Variants in LRCH2 observed in about 807,000 individuals in gnomAD.
LRCH2 encodes the protein leucine-rich repeat and calponin homology domain-containing protein 2.
LRCH2 carries 38 observed loss-of-function variants against 68.9 expected under a neutral mutation model. The observed-to-expected ratio is 0.55, with a 90% confidence interval of 0.43 to 0.72. LRCH2 has a LOEUF of 0.72. Among genes scored for constraint, LRCH2 ranks in the 30% least tolerant of loss-of-function variants. LRCH2 has a pLI of 0.00. For synonymous variants in LRCH2, 191 were observed against 208.1 expected (o/e 0.92, Z 0.71); for missense variants, 528 against 572.9 (o/e 0.92, Z 0.80).
rs1556579496 is a variant in LRCH2 at position 115,234,018 on chromosome X, G to A, written c.24C>T (p.Gly8=). The A allele has an allele frequency of 3.4e-6, 4 of 1,160,989 alleles. No homozygotes were observed. The change falls in exon 1 of 21, where the codon GGC becomes GGT. Residue 8 remains glycine (G), a synonymous_variant. Coordinates refer to ENST00000317135, the MANE Select transcript of LRCH2 (RefSeq NM_020871.4). ...CACAACCGCCGCCCCCACTGTTACC[G>A]CCTCCTCCCTGACTCGCCGCCATGT... The part of the protein sequence containing the change: MAASQGG[G]GNSGGGGCGG...
chrX:115,144,749 G>T (rs1051624907), intron 14 of LRCH2, among the ~76,000 whole-genome samples: 3 of 111,535 alleles, frequency 2.7e-5, no homozygotes, highest in Non-Finnish European at 3.8e-5. Flanking sequence ...AGAAGTAAAA[G>T]ATCTCTACAA....
At chrX:115,143,350 C>T (rs1556534958) in intron 14 of LRCH2, among the ~76,000 whole-genome samples, 1 of 111,017 alleles carries the variant, frequency 9.0e-6, no homozygotes. Flanking sequence ...CTACTATGAA[C>T]AACTATGTGC....
At chrX:115,191,776 T>C (rs2072828857) in intron 1 of LRCH2, 2 of 1,161,628 alleles carry the variant, frequency 1.7e-6, no homozygotes, top group Admixed American at 2.7e-5. Context: ...AGGAGGCCGC[T>C]ACGAGGAGTA....
chrX:115,126,771 G>T (rs1344135671), intron 16 of LRCH2, 72 bp downstream of exon 16: 1 of 781,769 alleles, frequency 1.3e-6, no homozygotes, highest in African/African-American at 2.3e-5. Context: ...GAACTGGCAA[G>T]GAAGACTCTT....
At chrX:115,177,889 T>G (rs1603061997) in intron 5 of LRCH2, among the ~76,000 whole-genome samples, 1 of 110,041 alleles carries the variant, frequency 9.1e-6, no homozygotes, top group Non-Finnish European at 1.9e-5. Context: ...TGAGAACATG[T>G]GGTGTTTGGT....
intron 2 of LRCH2, among the ~76,000 whole-genome samples, chrX:115,185,792 T>C (rs1423208351): frequency 8.9e-6 from 1 of 111,784 alleles, no homozygotes; most frequent in East Asian, 2.8e-4. Context: ...GGTCCTGTCA[T>C]AATCCTTCAT....
chrX:115,223,323 G>T (rs1235787735), intron 1 of LRCH2, among the ~76,000 whole-genome samples: 2 of 111,546 alleles, frequency 1.8e-5, no homozygotes, highest in East Asian at 5.6e-4. Context: ...AGCAACATAA[G>T]AAAATAGATA....
chrX:115,201,741 G>A (rs1405799893), intron 1 of LRCH2, among the ~76,000 whole-genome samples: 5 of 111,638 alleles, frequency 4.5e-5, no homozygotes, highest in Admixed American at 9.5e-5. Flanking sequence ...GATTGCTGAC[G>A]ATATCATCTT....
intron 12 of LRCH2, among the ~76,000 whole-genome samples, chrX:115,153,020 G>A (rs1232534067): frequency 7.3e-5 from 8 of 109,277 alleles, no homozygotes; most frequent in African/African-American, 2.7e-4. Flanking sequence ...TTTCAAAAAC[G>A]AAGGTGAGCT....
intron 2 of LRCH2, among the ~76,000 whole-genome samples, chrX:115,186,086 A>G (rs1437296808): frequency 1.8e-5 from 2 of 112,230 alleles, no homozygotes; most frequent in Non-Finnish European, 3.8e-5. Context: ...CAGGCCGGTC[A>G]CAATGGCTCA....
intron 1 of LRCH2, among the ~76,000 whole-genome samples, chrX:115,210,304 C>G (rs1303595467): frequency 9.0e-6 from 1 of 111,262 alleles, no homozygotes; most frequent in Non-Finnish European, 1.9e-5. Flanking sequence ...AGGCTAGGGA[C>G]TTGTTGCCCT....
intron 14 of LRCH2, among the ~76,000 whole-genome samples, chrX:115,149,344 C>CT (rs1485286624): frequency 9.0e-5 from 10 of 111,355 alleles, no homozygotes. Context: ...CTGAGCTTTT[C>CT]TTTTAGCTAA....
intron 1 of LRCH2, among the ~76,000 whole-genome samples, chrX:115,205,735 G>A (rs1047505437): frequency 2.7e-5 from 3 of 111,114 alleles, no homozygotes; most frequent in African/African-American, 9.8e-5. Flanking sequence ...TCAAGAAATC[G>A]AGACCATCCT....
In LRCH2 at chrX:115,192,615, C is replaced by G. The variant is rs782372947; in HGVS notation, c.350-4245G>C. On this transcript the variant is annotated intron_variant, in intron 1 of 20. Transcript: ENST00000317135. The stretch of plus-strand genomic sequence containing the variant: ...GCGGAGGCCGTCAAGGAGGCCGCTT[C>G]GAGAGGGGGGAAGGCCGGAGCAGAT... The G allele has an allele frequency of 1.8e-5, 21 of 1,169,578 alleles. No homozygotes were observed. The highest frequency in any genetic ancestry group is 1.7e-4 in the South Asian group (9 of 52,783).
chrX:115,118,395 C>T (rs1310011495), intron 20 of LRCH2, among the ~76,000 whole-genome samples: 29 of 109,811 alleles, frequency 2.6e-4, no homozygotes, highest in South Asian at 7.9e-4. Context: ...AACACCTCTA[C>T]GCAAATAAAC....
In LRCH2 at chrX:115,179,513, T is replaced by A; in HGVS notation, c.778A>T (p.Thr260Ser). Residue 260 changes from threonine to serine, a missense_variant, in exon 5 of 21, where the codon ACC becomes TCC. By Grantham distance (58) the Thr-to-Ser change is moderately conservative. Transcript: ENST00000317135. ...TTTCTGTAACAAACTGGAATTTCGG[T>A]CACTTTATTACAAGAGAAATCCAGC... Reference protein sequence around the residue: ...VKLDFSCNKVTEIPVCYRKLH... With the variant: ...VKLDFSCNKVSEIPVCYRKLH... 1 of 1,150,665 alleles carries A rather than the reference T, an allele frequency of 8.7e-7. No individual in the cohort carries two copies. Among genetic ancestry groups the A allele is most frequent in the Non-Finnish European group, 1.2e-6 (1 of 865,584 alleles). The allele number at this position is 1,150,665 out of a possible 1,213,427, so 94.8% of individuals were successfully genotyped here. A position where few individuals can be genotyped will look rare whatever the true frequency, so the allele number is the denominator to read the frequency against.
At chrX:115,168,845 G>T (rs1556546441) in intron 6 of LRCH2, among the ~76,000 whole-genome samples, 3 of 110,917 alleles carry the variant, frequency 2.7e-5, no homozygotes, top group African/African-American at 9.8e-5. Context: ...ACTTAAAACT[G>T]TCCAATGACT....
rs782663127 is a variant in LRCH2, at chrX:115,160,185, G to A, written c.1463+3491C>T. Among the ~76,000 whole-genome samples the A allele has an allele frequency of 4.5e-5, 5 of 110,061 alleles. No individual in the cohort carries two copies. In the South Asian group the frequency reaches 1.5e-3, roughly 34 times the overall value. On this transcript the variant is annotated intron_variant, in intron 11 of 20. Coordinates refer to ENST00000317135, the MANE Select transcript of LRCH2 (RefSeq NM_020871.4). ...ACAAAAATTAGCCAGGCATGCTAGC[G>A]CATGCCTGTAGTCCCAGCTACTTGG...
chrX:115,224,577 G>A (rs185446899), intron 1 of LRCH2, among the ~76,000 whole-genome samples: 1 of 108,754 alleles, frequency 9.2e-6, no homozygotes, highest in Admixed American at 9.8e-5. Context: ...CCAGCTACTC[G>A]GGAGGCTGAG....
Sources: gnomAD v4.1 joint callset for allele counts (sites outside exome capture counted in the v4.1 genomes callset) on GRCh38, gnomAD v4.1.1 for gene constraint, MANE v1.5 for transcripts, NCBI Gene and HGNC (gene_info 2026-07-23, HGNC 2026-07-21) for gene names.